Variants in PCDHA1 observed in about 807,000 individuals in gnomAD.
The protein encoded by PCDHA1 is protocadherin alpha 1.
PCDHA1 carries 42 observed loss-of-function variants against 61.3 expected under a neutral mutation model. The ratio of observed to expected loss-of-function variants is 0.69; its 90% CI spans 0.54 to 0.89. PCDHA1 has a LOEUF of 0.89. Among genes scored for constraint, PCDHA1 ranks in the 40% least tolerant of loss-of-function variants. PCDHA1 has a pLI of 0.00. For missense variants in PCDHA1, 1,256 were observed against 1,235.3 expected, an observed-to-expected ratio of 1.02 and a Z score of -0.25; for synonymous variants, 610 against 553.8, an observed-to-expected ratio of 1.10 and a Z score of -1.43.
At chr5:140,975,068 C>G (rs1273763502) in intron 1 of PCDHA1, among the ~76,000 whole-genome samples, 2 of 152,134 alleles carry the variant, frequency 1.3e-5, no homozygotes, top group Non-Finnish European at 2.9e-5. Context: ...CGAGCTCATT[C>G]AGATTGTTGG....
intron 1 of PCDHA1, chr5:140,843,770 C>A: frequency 6.8e-7 from 1 of 1,463,438 alleles, no homozygotes; most frequent in Non-Finnish European, 9.4e-7. Flanking sequence ...ATTGTAGTTA[C>A]TTTAAAAGTG....
chr5:140,815,780 C>T (rs1220989871), intron 1 of PCDHA1: 2 of 152,174 alleles, frequency 1.3e-5, no homozygotes, highest in African/African-American at 4.8e-5. Context: ...ATTGTGATCA[C>T]CTTCAGCTTT....
intron 1 of PCDHA1, chr5:140,815,731 A>G (rs1403515863): frequency 6.6e-6 from 1 of 152,166 alleles, no homozygotes; most frequent in African/African-American, 2.4e-5. Flanking sequence ...ATTTTAACTC[A>G]AAAGGCCCCC....
chr5:140,806,783 T>G (rs59312872), intron 1 of PCDHA1: 8,433 of 197,180 alleles, frequency 0.043, 735 homozygotes, highest in African/African-American at 0.19. Flanking sequence ...AAACCTGTGT[T>G]GAAAAAATTA....
At chr5:140,839,890 G>T (rs1168165739) in intron 1 of PCDHA1, among the ~76,000 whole-genome samples, 2 of 151,956 alleles carry the variant, frequency 1.3e-5, no homozygotes, top group Non-Finnish European at 2.9e-5. Context: ...AATTTTGACA[G>T]AAAAAGATGA....
intron 3 of PCDHA1, among the ~76,000 whole-genome samples, chr5:140,987,981 ACT>A (rs2153869731): frequency 6.6e-6 from 1 of 152,028 alleles, no homozygotes; most frequent in African/African-American, 2.4e-5. Context: ...CTCCATGGAG[ACT>A]CCATCTCTGA....
rs2042132176 is a variant in PCDHA1, at chr5:140,851,700, G to A, written c.2394+63016G>A. On this transcript the variant is annotated intron_variant, in intron 1 of 3. Transcript: ENST00000504120. ...TCTCCATTCAGTGATAAAATGATCA[G>A]CCATGTGAAGATTCGAAACTTCGAG... 4.2e-6 allele frequency: 4 copies of A among 943,922 alleles called. 1 individual carries two copies. Among genetic ancestry groups the A allele is most frequent in the Admixed American group, 1.3e-4 (2 of 15,858 alleles). The allele number at this position is 943,922 out of a possible 1,614,324, so 58.5% of individuals were successfully genotyped here. A position where few individuals can be genotyped will look rare whatever the true frequency, so the allele number is the denominator to read the frequency against.
At chr5:140,914,615 A>G (rs573524299) in intron 1 of PCDHA1, among the ~76,000 whole-genome samples, 12 of 151,836 alleles carry the variant, frequency 7.9e-5, no homozygotes, top group African/African-American at 2.9e-4. Context: ...GCCATTTTGT[A>G]ATTTGTTTTC....
intron 3 of PCDHA1, among the ~76,000 whole-genome samples, chr5:141,008,523 C>A (rs2098380908): frequency 6.6e-6 from 1 of 152,182 alleles, no homozygotes; most frequent in Admixed American, 6.5e-5. Context: ...CAATCAGACT[C>A]TTGGGAATGT....
chr5:140,834,564 C>T (rs2150221113), intron 1 of PCDHA1: 12 of 1,613,972 alleles, frequency 7.4e-6, no homozygotes, highest in African/African-American at 2.7e-5. Flanking sequence ...GGAGCTGGTG[C>T]CGCGCCTGTT....
At chr5:140,857,138 G>A in intron 1 of PCDHA1, 2 of 1,598,300 alleles carry the variant, frequency 1.3e-6, no homozygotes, top group Non-Finnish European at 1.7e-6. Context: ...AGATGCTCAA[G>A]TGGGCACCGT....
At chr5:140,802,761 C>A in intron 1 of PCDHA1, 3 of 1,612,814 alleles carry the variant, frequency 1.9e-6, no homozygotes, top group Non-Finnish European at 1.7e-6. Flanking sequence ...CGCGCTGCAG[C>A]CGCTGGACCA....
At chr5:140,920,184 AAT>A (rs782376164) in intron 1 of PCDHA1, among the ~76,000 whole-genome samples, 19 of 152,348 alleles carry the variant, frequency 1.2e-4, no homozygotes, top group East Asian at 9.6e-4. Context: ...AGTGTGTAGT[AAT>A]TTGTCACAGC....
intron 1 of PCDHA1, chr5:140,850,230 G>T (rs2150474720): frequency 6.3e-7 from 1 of 1,594,052 alleles, no homozygotes; most frequent in South Asian, 1.1e-5. Flanking sequence ...CGCAGTGAGC[G>T]AGATGGTGCT....
At chr5:140,801,292 A>T in intron 1 of PCDHA1, 1 of 1,613,480 alleles carries the variant, frequency 6.2e-7, no homozygotes. Flanking sequence ...GGCCAGCTCC[A>T]CTACTCCGTC....
chr5:141,003,608 C>T (rs951443168), intron 3 of PCDHA1, among the ~76,000 whole-genome samples: 3 of 152,136 alleles, frequency 2.0e-5, no homozygotes, highest in East Asian at 1.9e-4. Flanking sequence ...CCACCATTCC[C>T]GGCCCCAGAG....
intron 1 of PCDHA1, chr5:140,876,955 G>T (rs782751017): frequency 1.3e-5 from 21 of 1,613,390 alleles, no homozygotes; most frequent in Non-Finnish European, 1.7e-5. Context: ...CTACTCGCTG[G>T]TGGAGCGGCG....
chr5:140,966,947 G>C (rs782439197), intron 1 of PCDHA1: 2 of 1,603,404 alleles, frequency 1.2e-6, no homozygotes, highest in East Asian at 2.2e-5. Flanking sequence ...CGTGGGCAAC[G>C]TGGCTCGCGC....
Position 140,803,234 on chromosome 5 carries a change from G to T in PCDHA1, c.2394+14550G>T, listed in dbSNP as rs34395025. 15,059 of 1,613,812 alleles carry T rather than the reference G, an allele frequency of 9.3e-3. 90 individuals are homozygous for T. The highest frequency in any genetic ancestry group is 0.02 in the Middle Eastern group (124 of 6,062). On this transcript the variant is annotated intron_variant, in intron 1 of 3. Coordinates refer to ENST00000504120, the MANE Select transcript of PCDHA1 (RefSeq NM_018900.4). Reference sequence around the variant, plus strand: ...AGAGTGGCCAGGCACCCAAGGCCTCGTCCCAGGCGTCCGCTGGCGCCACGG... The same window carrying T: ...AGAGTGGCCAGGCACCCAAGGCCTCTTCCCAGGCGTCCGCTGGCGCCACGG...
Sources: allele counts gnomAD v4.1 joint callset (sites outside exome capture counted in the v4.1 genomes callset), GRCh38; gene constraint gnomAD v4.1.1; transcripts MANE v1.5; gene names NCBI Gene and HGNC (gene_info 2026-07-23, HGNC 2026-07-21).